Variants in COL25A1 observed in about 807,000 individuals in gnomAD.
COL25A1 encodes the protein collagen type XXV alpha 1 chain.
COL25A1 carries 103 observed loss-of-function variants against 128.4 expected under a neutral mutation model. That is an observed-to-expected ratio of 0.80 (90% CI 0.68 to 0.94). COL25A1 has a LOEUF of 0.94. Ranked by LOEUF, COL25A1 falls within the 40% of genes least tolerant of loss-of-function variation. The pLI, the probability that COL25A1 is intolerant of heterozygous loss-of-function variation, is 0.00. For missense variants in COL25A1, 745 were observed against 840.0 expected, an observed-to-expected ratio of 0.89 and a Z score of 1.40; for synonymous variants, 279 against 277.2, an observed-to-expected ratio of 1.01 and a Z score of -0.06.
chr4:108,868,946 AAAG>A (rs1457842391), intron 20 of COL25A1, 139 bp downstream of exon 20: 6 of 563,082 alleles, frequency 1.1e-5, no homozygotes, highest in South Asian at 4.7e-5. Context: ...GAAAGAAAGA[AAAG>A]AAAGAAAGAA....
intron 3 of COL25A1, among the ~76,000 whole-genome samples, chr4:109,194,987 C>T (rs986652955): frequency 3.3e-5 from 5 of 152,040 alleles, no homozygotes; most frequent in African/African-American, 7.2e-5. Flanking sequence ...TACAACTCAA[C>T]GGATAAGTGC....
chr4:108,860,346 C>A (rs1737050802), intron 23 of COL25A1, among the ~76,000 whole-genome samples: 1 of 152,142 alleles, frequency 6.6e-6, no homozygotes, highest in Non-Finnish European at 1.5e-5. Flanking sequence ...CCAGCCTTGG[C>A]TCCCAAAGTG....
At chr4:108,944,165 T>C (rs6812341) in intron 8 of COL25A1, among the ~76,000 whole-genome samples, 6,684 of 152,260 alleles carry the variant, frequency 0.044, 377 homozygotes, top group African/African-American at 0.13. Context: ...TTATCTCTTT[T>C]GCCAAATCCG....
At chr4:108,814,060 C>A in intron 37 of COL25A1, 131 bp from the exon 38 acceptor site, 1 of 656,268 alleles carries the variant, frequency 1.5e-6, no homozygotes, top group Non-Finnish European at 2.7e-6. Context: ...GACTGGCTAT[C>A]AATGAGCCAA....
At chr4:109,069,733 A>G (rs1762754513) in intron 3 of COL25A1, among the ~76,000 whole-genome samples, 1 of 152,156 alleles carries the variant, frequency 6.6e-6, no homozygotes, top group African/African-American at 2.4e-5. Flanking sequence ...TGAAATCTTC[A>G]TATCCCTCTA....
chr4:108,932,537 A>G (rs573720597), intron 11 of COL25A1, among the ~76,000 whole-genome samples: 10 of 152,190 alleles, frequency 6.6e-5, no homozygotes, highest in Non-Finnish European at 1.0e-4. Flanking sequence ...AGATAAATGA[A>G]TACGTTATGG....
chr4:108,939,065 T>G (rs1344489918), intron 10 of COL25A1, among the ~76,000 whole-genome samples: 2 of 152,206 alleles, frequency 1.3e-5, no homozygotes, highest in Admixed American at 6.5e-5. Context: ...TACTTTACCT[T>G]TAATTTTGTT....
At chr4:109,294,605 G>A (rs1479845516) in intron 3 of COL25A1, among the ~76,000 whole-genome samples, 1 of 152,022 alleles carries the variant, frequency 6.6e-6, no homozygotes, top group African/African-American at 2.4e-5. Context: ...CAGGGAGGCT[G>A]GGGATGCATC....
intron 6 of COL25A1, among the ~76,000 whole-genome samples, chr4:108,998,846 C>A (rs1755049208): frequency 6.6e-6 from 1 of 152,114 alleles, no homozygotes; most frequent in Non-Finnish European, 1.5e-5. Context: ...ACAAGCCTGA[C>A]AAAAACAAGC....
intron 35 of COL25A1, chr4:108,823,823 T>G: frequency 1.0e-6 from 1 of 989,352 alleles, no homozygotes; most frequent in South Asian, 2.1e-5. Flanking sequence ...TTCAATGAGC[T>G]CTGCCAAATA....
chr4:109,226,409 A>T (rs575750310), intron 3 of COL25A1, among the ~76,000 whole-genome samples: 50 of 152,306 alleles, frequency 3.3e-4, no homozygotes, highest in African/African-American at 1.2e-3. Context: ...CAGTAAAATA[A>T]ATGTTTCATA....
intron 3 of COL25A1, among the ~76,000 whole-genome samples, chr4:109,184,416 C>T (rs1177917528): frequency 2.0e-5 from 3 of 152,122 alleles, no homozygotes; most frequent in African/African-American, 4.8e-5. Flanking sequence ...CTTGTGCTGG[C>T]ATCTAACAAA....
At chr4:109,282,373 GT>G (rs1415631891) in intron 3 of COL25A1, among the ~76,000 whole-genome samples, 2 of 152,078 alleles carry the variant, frequency 1.3e-5, no homozygotes, top group African/African-American at 4.8e-5. Flanking sequence ...TAACTACAAT[GT>G]TTTCCCCTCT....
chr4:108,961,468 A>T (rs1169077866), intron 8 of COL25A1, among the ~76,000 whole-genome samples: 6 of 152,190 alleles, frequency 3.9e-5, no homozygotes, highest in Non-Finnish European at 7.3e-5. Flanking sequence ...TCCAAAACGT[A>T]TTATTTTGAT....
chr4:108,967,881 C>T (rs1004413068), intron 8 of COL25A1, among the ~76,000 whole-genome samples: 2 of 152,038 alleles, frequency 1.3e-5, no homozygotes, highest in Non-Finnish European at 2.9e-5. Context: ...AAAGTCATAG[C>T]CTCAAAACTT....
At chr4:108,834,457 G>A (rs1733536211) in intron 31 of COL25A1, 9 of 1,391,320 alleles carry the variant, frequency 6.5e-6, no homozygotes, top group Non-Finnish European at 8.0e-6. Flanking sequence ...AGATTAGTAT[G>A]AGGTACCGAT....
chr4:109,212,932 G>A (rs1012511452), intron 3 of COL25A1, among the ~76,000 whole-genome samples: 1 of 152,096 alleles, frequency 6.6e-6, no homozygotes, highest in African/African-American at 2.4e-5. Context: ...GTCCCTACTT[G>A]TTCTTCACCA....
intron 8 of COL25A1, among the ~76,000 whole-genome samples, chr4:108,959,799 C>T (rs1284016500): frequency 6.6e-6 from 1 of 152,088 alleles, no homozygotes; most frequent in Non-Finnish European, 1.5e-5. Flanking sequence ...CAAGCTTTCT[C>T]CAATTCAATT....
chr4:109,139,660 C>G (rs1442875123), intron 3 of COL25A1, among the ~76,000 whole-genome samples: 1 of 151,654 alleles, frequency 6.6e-6, no homozygotes, highest in Admixed American at 6.6e-5. Flanking sequence ...CCTTCCCCCA[C>G]CTTTTATTAG....
Sources: gnomAD v4.1 joint callset for allele counts (sites outside exome capture counted in the v4.1 genomes callset) on GRCh38, gnomAD v4.1.1 for gene constraint, MANE v1.5 for transcripts, NCBI Gene and HGNC (gene_info 2026-07-23, HGNC 2026-07-21) for gene names.